The following MGAT5B variants were observed in gnomAD, a reference collection of about 807,000 sequenced individuals.
The protein encoded by MGAT5B is N-acetylglucosaminyl-transferase Vb.
Under a neutral mutation model 95.1 loss-of-function variants are expected in MGAT5B, and 54 were observed. The ratio of observed to expected loss-of-function variants is 0.57; its 90% CI spans 0.46 to 0.71. The LOEUF (loss-of-function observed/expected upper bound fraction) is 0.71. MGAT5B is among the 30% of genes least tolerant of loss of function. The pLI is 0.00. For missense variants in MGAT5B, 935 were observed against 1,088.6 expected (o/e 0.86, Z 1.99); for synonymous variants, 464 against 451.0 (o/e 1.03, Z -0.36).
In MGAT5B at chr17:76,948,091, G is replaced by T; in HGVS notation, c.2180+5G>T. The T allele has an allele frequency of 6.3e-7, 1 of 1,583,920 alleles. No homozygotes were observed. The highest frequency in any genetic ancestry group is 8.6e-7 in the Non-Finnish European group (1 of 1,163,446). ...CAGCCAGGACGCCTTCCTCAAGTGAGTGTTCCCCCACCCTCCCCACCCAGC... is the reference window on the plus strand; with the variant it reads ...CAGCCAGGACGCCTTCCTCAAGTGATTGTTCCCCCACCCTCCCCACCCAGC... On this transcript the variant is annotated splice_donor_5th_base_variant and intron_variant, in intron 17 of 17. Transcript: ENST00000569840.
Position 76,914,573 on chromosome 17 carries a change from A to C in MGAT5B, c.1025+8386A>C, listed in dbSNP as rs972272394. 2.0e-5 allele frequency among the ~76,000 whole-genome samples: 3 copies of C among 151,596 alleles called. No individual in the cohort carries two copies. The highest frequency in any genetic ancestry group is 4.4e-5 in the Non-Finnish European group (3 of 67,966). On this transcript the variant is annotated intron_variant, in intron 8 of 17. Transcript: ENST00000569840. The surrounding 1 kb of genome is among the most constrained non-coding windows in gnomAD (Gnocchi z 5.1). ...GCCGCAGGTGTTCTTAGAGGGGTAG[A>C]TGGTGTTCTCCCTACGTCCACATCT...
rs1161727495 is a variant in MGAT5B at position 76,906,132 on chromosome 17, C to T, written c.970C>T (p.Leu324Phe). The T allele has an allele frequency of 2.5e-6, 4 of 1,608,238 alleles. No individual in the cohort carries two copies. Among genetic ancestry groups the T allele is most frequent in the Non-Finnish European group, 3.4e-6 (4 of 1,177,714 alleles). ...GCAGTGGGCGGACATTCTGACTGCA[C>T]TCTATGTCCTGGGCCATGGCCTGCG... ...MVQWADILTA[L>F]YVLGHGLRVT... Residue 324 changes from leucine (L) to phenylalanine (F), a missense_variant, in exon 8 of 18, where the codon CTC becomes TTC. Physicochemically the swap from Leu to Phe is conservative, Grantham distance 22. This residue lies in a region of MGAT5B where 243 missense variants were observed against 305.5 expected (regional missense o/e 0.80). Coordinates refer to ENST00000569840, the MANE Select transcript of MGAT5B (RefSeq NM_001199172.2). The surrounding 1 kb of genome is among the most constrained non-coding windows in gnomAD (Gnocchi z 4.6).
chr17:76,893,128 G>A (rs1967939660), intron 3 of MGAT5B, among the ~76,000 whole-genome samples: 1 of 152,070 alleles, frequency 6.6e-6, no homozygotes, highest in Admixed American at 6.5e-5. Flanking sequence ...CCCTTGAGTG[G>A]CTCAGTGATA....
intron 3 of MGAT5B, among the ~76,000 whole-genome samples, chr17:76,898,326 C>CTTTTT (rs1356116019): frequency 1.5e-5 from 2 of 130,346 alleles, no homozygotes; most frequent in Non-Finnish European, 3.1e-5. Context: ...AGTACATAAT[C>CTTTTT]TTTTTATTTT....
chr17:76,896,412 T>C (rs575464699), intron 3 of MGAT5B, among the ~76,000 whole-genome samples: 2 of 152,230 alleles, frequency 1.3e-5, no homozygotes, highest in Non-Finnish European at 2.9e-5. Context: ...CAGACATGCT[T>C]GTCGCAGGAA....
chr17:76,925,023 C>T lies in MGAT5B; in HGVS notation c.1083C>T (p.Phe361=), dbSNP rs753876495. The T allele has an allele frequency of 1.3e-5, 21 of 1,611,526 alleles. No individual in the cohort carries two copies. The highest frequency in any genetic ancestry group is 5.5e-5 in the South Asian group (5 of 91,018). Residue 361 remains phenylalanine (F), a synonymous_variant, in exon 9 of 18, where the codon TTC becomes TTT. Coordinates refer to ENST00000569840, the MANE Select transcript of MGAT5B (RefSeq NM_001199172.2). ...GCCCGCTCACCATGCCCCTGCCCTT[C>T]GACCTCATCTACACCGACTACCACG... The part of the protein sequence containing the change: ...GSCPLTMPLP[F]DLIYTDYHGL...
intron 8 of MGAT5B, among the ~76,000 whole-genome samples, chr17:76,909,121 A>T (rs936772459): frequency 4.0e-5 from 6 of 151,822 alleles, no homozygotes; most frequent in African/African-American, 9.7e-5. Flanking sequence ...CTATATATAT[A>T]TTTTAAATCT....
chr17:76,943,629 G>T (rs570676900), intron 15 of MGAT5B, among the ~76,000 whole-genome samples: 2 of 139,480 alleles, frequency 1.4e-5, no homozygotes, highest in South Asian at 2.6e-4. Context: ...GGGGTGGGGG[G>T]GGGGTCTCAT....
chr17:76,906,206 C>T lies in MGAT5B; in HGVS notation c.1025+19C>T. On this transcript the variant is annotated intron_variant, in intron 8 of 17. Coordinates refer to ENST00000569840, the MANE Select transcript of MGAT5B (RefSeq NM_001199172.2). The surrounding 1 kb of genome is among the most constrained non-coding windows in gnomAD (Gnocchi z 4.6). ...TGCAGAGGTGAGTGCTGGGGAAAGCCACTGGCATTAAGTGGGGCAGGGAGG... is the reference window on the plus strand; with the variant it reads ...TGCAGAGGTGAGTGCTGGGGAAAGCTACTGGCATTAAGTGGGGCAGGGAGG... 6.3e-7 allele frequency: 1 copy of T among 1,582,984 alleles called. No homozygotes were observed. The highest frequency in any genetic ancestry group is 8.6e-7 in the Non-Finnish European group (1 of 1,168,766).
chr17:76,914,680 C>G lies in MGAT5B; in HGVS notation c.1025+8493C>G, dbSNP rs568503717. Among the ~76,000 whole-genome samples the G allele has an allele frequency of 1.3e-5, 2 of 150,880 alleles. No individual in the cohort carries two copies. The highest frequency in any genetic ancestry group is 1.3e-4 in the Admixed American group (2 of 15,198). On this transcript the variant is annotated intron_variant, in intron 8 of 17. Transcript: ENST00000569840. This position sits in a 1 kb window ranked among gnomAD's most constrained non-coding sequence, Gnocchi z 5.1. ...TTTGAGACAGAGTCTTGCCCTGTCC[C>G]CCAGCTGGAGCGCAGTGGCGCAGTC...
chr17:76,936,732 C>T (rs1474673542), intron 12 of MGAT5B, among the ~76,000 whole-genome samples: 2 of 152,152 alleles, frequency 1.3e-5, no homozygotes, highest in Admixed American at 6.5e-5. Flanking sequence ...GCACCTTTGT[C>T]GAAAATCAGT....
intron 2 of MGAT5B, among the ~76,000 whole-genome samples, chr17:76,879,048 C>T (rs1054668229): frequency 2.0e-5 from 3 of 152,230 alleles, no homozygotes; most frequent in African/African-American, 7.2e-5. Context: ...CTGCAGCCTC[C>T]ACTTTGTTGA....
At chr17:76,900,353 G>A (rs687023) in intron 3 of MGAT5B, among the ~76,000 whole-genome samples, 20,672 of 152,248 alleles carry the variant, frequency 0.14, 1,850 homozygotes, top group African/African-American at 0.22. Flanking sequence ...CCATGTCCAA[G>A]TCCTAGCCCC....
intron 8 of MGAT5B, among the ~76,000 whole-genome samples, chr17:76,919,942 G>T (rs180822321): frequency 6.6e-6 from 1 of 152,142 alleles, no homozygotes; most frequent in African/African-American, 2.4e-5. Context: ...TAGCTTTTCC[G>T]GGTGGATTAA....
chr17:76,948,886 C>T lies in MGAT5B; in HGVS notation c.*48C>T, dbSNP rs200474167. 2.8e-4 allele frequency: 417 copies of T among 1,509,918 alleles called. 1 individual carries two copies. The African/African-American group carries it at 4.7e-3, about 17-fold the overall frequency. The allele number at this position is 1,509,918 out of a possible 1,614,324, so 93.5% of individuals were successfully genotyped here. ...GGCACCCACGCTGGCTCTCTCCTGCCGCGGGAGAAAGCACCAGCAGGTTCT... is the reference window on the plus strand; with the variant it reads ...GGCACCCACGCTGGCTCTCTCCTGCTGCGGGAGAAAGCACCAGCAGGTTCT... On this transcript the variant is annotated 3_prime_UTR_variant, in exon 18 of 18. Transcript: ENST00000569840.
In MGAT5B at chr17:76,873,584, G is replaced by T. The variant is rs376449292; in HGVS notation, c.181+621G>T. Among the ~76,000 whole-genome samples, 439 of 152,334 alleles carry T rather than the reference G, an allele frequency of 2.9e-3. 1 individual carries two copies. The highest frequency in any genetic ancestry group is 1.0e-2 in the African/African-American group (415 of 41,564). On this transcript the variant is annotated intron_variant, in intron 2 of 17. Transcript: ENST00000569840. ...CAGCAGTGACCTTCTGCAGAGGTTG[G>T]ATTGAAGGGGCTCACACGTGGACAT... is the stretch of plus-strand genomic sequence containing the variant.
intron 3 of MGAT5B, among the ~76,000 whole-genome samples, chr17:76,887,492 T>G (rs1336735085): frequency 1.4e-5 from 1 of 71,890 alleles, no homozygotes; most frequent in African/African-American, 6.1e-5. Context: ...CCTCCCTCCC[T>G]CCCTTCCTCT....
chr17:76,924,841 C>G (rs1969246836), intron 8 of MGAT5B, 125 bp from the exon 9 acceptor site: 1 of 1,258,050 alleles, frequency 7.9e-7, no homozygotes. Flanking sequence ...TGCTCACTTC[C>G]TTTCTGAGAG....
intron 3 of MGAT5B, among the ~76,000 whole-genome samples, chr17:76,900,484 G>T (rs1968265958): frequency 6.6e-6 from 1 of 152,242 alleles, no homozygotes; most frequent in South Asian, 2.1e-4. Context: ...TATAAAGAGA[G>T]GAAAGTGGAC....
Sources: allele counts gnomAD v4.1 joint callset (sites outside exome capture counted in the v4.1 genomes callset), GRCh38; gene constraint gnomAD v4.1.1; regional missense constraint gnomAD v4.1.1; non-coding constraint Gnocchi (gnomAD v3.1); transcripts MANE v1.5; gene names NCBI Gene and HGNC (gene_info 2026-07-23, HGNC 2026-07-21).